Variants in DGKB observed in about 807,000 individuals in gnomAD.
DGKB encodes the protein 90 kDa diacylglycerol kinase.
DGKB carries 67 observed loss-of-function variants against 114.3 expected under a neutral mutation model. The ratio of observed to expected loss-of-function variants is 0.59; its 90% CI spans 0.48 to 0.72. The LOEUF is 0.72. DGKB is among the 30% of genes least tolerant of loss of function. The pLI, the probability that DGKB is intolerant of heterozygous loss-of-function variation, is 0.00. For missense variants in DGKB, 907 were observed against 975.2 expected (o/e 0.93, Z 0.93); for synonymous variants, 398 against 323.1 (o/e 1.23, Z -2.49).
intron 2 of DGKB, among the ~76,000 whole-genome samples, chr7:14,772,244 C>T (rs1339059289): frequency 1.3e-5 from 2 of 152,136 alleles, no homozygotes. Flanking sequence ...TAGAATAAAT[C>T]TCTTAAAACA....
At chr7:14,553,506 A>G (rs974774041) in intron 20 of DGKB, among the ~76,000 whole-genome samples, 2 of 152,242 alleles carry the variant, frequency 1.3e-5, no homozygotes, top group Admixed American at 1.3e-4. Flanking sequence ...TCAGTAGAAC[A>G]GCAGCTATAG....
chr7:14,603,395 T>G (rs1366471115), intron 17 of DGKB, among the ~76,000 whole-genome samples: 3 of 152,168 alleles, frequency 2.0e-5, no homozygotes, highest in Non-Finnish European at 4.4e-5. Context: ...TTGAGGATTC[T>G]GTTCATTTCT....
At chr7:14,174,936 T>G (rs6969690) in intron 25 of DGKB, among the ~76,000 whole-genome samples, 50,452 of 152,092 alleles carry the variant, frequency 0.33, 10,446 homozygotes, top group African/African-American at 0.59. Context: ...AAAGATTTAG[T>G]GTTCAGGCAG....
chr7:14,968,594 C>A (rs896139131), intron 1 of DGKB, among the ~76,000 whole-genome samples: 2 of 152,274 alleles, frequency 1.3e-5, no homozygotes, highest in African/African-American at 2.4e-5. Flanking sequence ...TTTGAAGGAA[C>A]CTGAGTGTCA....
intron 3 of DGKB, among the ~76,000 whole-genome samples, chr7:14,756,731 T>C (rs959746955): frequency 1.3e-5 from 2 of 151,758 alleles, no homozygotes; most frequent in Non-Finnish European, 2.9e-5. Context: ...AGAAGTGTGC[T>C]CTTGCAAACA....
intron 6 of DGKB, among the ~76,000 whole-genome samples, chr7:14,704,667 C>A (rs551282694): frequency 1.6e-4 from 25 of 152,150 alleles, no homozygotes; most frequent in African/African-American, 5.8e-4. Context: ...AACCCCTGAC[C>A]CCTGAGCAGC....
chr7:14,885,078 A>T (rs1854820350), intron 1 of DGKB, among the ~76,000 whole-genome samples: 1 of 151,924 alleles, frequency 6.6e-6, no homozygotes, highest in Non-Finnish European at 1.5e-5. Flanking sequence ...GGTTTAGACG[A>T]TTGCTGACTT....
intron 23 of DGKB, among the ~76,000 whole-genome samples, chr7:14,319,110 G>C (rs1167980590): frequency 6.7e-6 from 1 of 148,228 alleles, no homozygotes; most frequent in Non-Finnish European, 1.5e-5. Flanking sequence ...ACACAGGAAG[G>C]GGAACATCAC....
intron 15 of DGKB, among the ~76,000 whole-genome samples, chr7:14,616,407 T>A (rs1806533842): frequency 6.6e-6 from 1 of 151,608 alleles, no homozygotes; most frequent in Admixed American, 6.6e-5. Context: ...TTGGATTGTA[T>A]CCAATCTGTC....
chr7:14,170,145 A>AAAG (rs1554271986), intron 25 of DGKB, among the ~76,000 whole-genome samples: 34 of 99,994 alleles, frequency 3.4e-4, no homozygotes, highest in African/African-American at 9.0e-4. Flanking sequence ...AAAAAAAAAA[A>AAAG]AAAGAAAGAA....
At chr7:14,233,786 A>AC (rs1340732863) in intron 23 of DGKB, among the ~76,000 whole-genome samples, 1 of 151,920 alleles carries the variant, frequency 6.6e-6, no homozygotes, top group African/African-American at 2.4e-5. Context: ...GGGGGGTGCA[A>AC]CCACAGGTCG....
At chr7:14,670,410 C>T (rs1818775903) in intron 13 of DGKB, among the ~76,000 whole-genome samples, 2 of 151,846 alleles carry the variant, frequency 1.3e-5, no homozygotes, top group Non-Finnish European at 1.5e-5. Context: ...TCAAGCGATT[C>T]CCCTGCCTCA....
intron 4 of DGKB, among the ~76,000 whole-genome samples, chr7:14,748,734 T>C (rs1433899187): frequency 1.3e-5 from 2 of 152,232 alleles, no homozygotes; most frequent in Non-Finnish European, 2.9e-5. Flanking sequence ...AACAGAACCA[T>C]GTGACCATTA....
rs770896317 is a variant in DGKB, at chr7:14,958,962, C to T, written c.-188+15734G>A. On this transcript the variant is annotated intron_variant, in intron 1 of 4. Transcript: ENST00000437998. Reference sequence around the variant, plus strand: ...ATCAGAATCCAAATAAAAAGCTAACCACATGATTCCAAAGTTTTATTCTGG... The same window carrying T: ...ATCAGAATCCAAATAAAAAGCTAACTACATGATTCCAAAGTTTTATTCTGG... Among the ~76,000 whole-genome samples, 6 of 152,060 alleles carry T rather than the reference C, an allele frequency of 3.9e-5. No individual in the cohort carries two copies. In the South Asian group the frequency reaches 1.0e-3, roughly 26 times the overall value.
chr7:14,160,965 GAAAAAAACAAACAACCCCATC>G (rs1562499452), intron 25 of DGKB, among the ~76,000 whole-genome samples: 6 of 151,844 alleles, frequency 4.0e-5, no homozygotes, highest in African/African-American at 1.4e-4. Context: ...AAATCTACAA[GAAAAAAACAAACAACCCCATC>G]AAAAAGTGGG....
intron 25 of DGKB, among the ~76,000 whole-genome samples, chr7:14,167,718 C>A (rs577085911): frequency 0.028 from 4,314 of 152,160 alleles, 198 homozygotes; most frequent in African/African-American, 0.098. Context: ...AATAACATTG[C>A]AAACACTTTG....
At chr7:14,278,976 C>T (rs978623922) in intron 23 of DGKB, among the ~76,000 whole-genome samples, 39 of 152,318 alleles carry the variant, frequency 2.6e-4, no homozygotes, top group African/African-American at 9.4e-4. Flanking sequence ...ATACGGGGTT[C>T]ATCTCACTAG....
intron 4 of DGKB, among the ~76,000 whole-genome samples, chr7:14,746,882 T>C (rs1525098): frequency 0.36 from 54,059 of 151,998 alleles, 13,314 homozygotes; most frequent in African/African-American, 0.69. Context: ...GTGTCTCAAA[T>C]ACTTTGCTAT....
At chr7:14,620,689 A>AC (rs1166547615) in intron 15 of DGKB, among the ~76,000 whole-genome samples, 2 of 151,900 alleles carry the variant, frequency 1.3e-5, no homozygotes, top group East Asian at 3.9e-4. Flanking sequence ...TGTTGAAGTA[A>AC]GAAACACAGG....
Sources: allele counts gnomAD v4.1 joint callset (sites outside exome capture counted in the v4.1 genomes callset), GRCh38; gene constraint gnomAD v4.1.1; transcripts MANE v1.5; gene names NCBI Gene and HGNC (gene_info 2026-07-23, HGNC 2026-07-21).